Variants in DNAJC24 observed in about 807,000 individuals in gnomAD.
The protein encoded by DNAJC24 is DnaJ heat shock protein family (Hsp40) member C24.
DNAJC24 carries 17 observed loss-of-function variants against 18.0 expected under a neutral mutation model. That is an observed-to-expected ratio of 0.94 (90% CI 0.65 to 1.42). The LOEUF is 1.42. Among genes scored for constraint, DNAJC24 ranks in the 40% most tolerant of loss-of-function variants. The pLI is 0.00. For synonymous variants in DNAJC24, 55 were observed against 57.7 expected, an observed-to-expected ratio of 0.95 and a Z score of 0.21; for missense variants, 158 against 175.6, an observed-to-expected ratio of 0.90 and a Z score of 0.57.
intron 2 of DNAJC24, among the ~76,000 whole-genome samples, chr11:31,397,962 C>G (rs1431533666): frequency 6.6e-6 from 1 of 152,104 alleles, no homozygotes; most frequent in African/African-American, 2.4e-5. Context: ...GCCACCATGC[C>G]CAGCTAATTT....
chr11:31,414,028 A>G (rs1003584908), intron 2 of DNAJC24, among the ~76,000 whole-genome samples: 1 of 152,222 alleles, frequency 6.6e-6, no homozygotes, highest in African/African-American at 2.4e-5. Context: ...CTGGATAACT[A>G]TTTAGTGAGC....
chr11:31,413,326 CTTTTTTTTTTTTT>C (rs1226979464), intron 2 of DNAJC24, among the ~76,000 whole-genome samples: 1 of 126,372 alleles, frequency 7.9e-6, no homozygotes, highest in Non-Finnish European at 1.7e-5. Flanking sequence ...TAAATACTAT[CTTTTTTTTTTTTT>C]TTTTTTTTTG....
At chr11:31,379,719 G>C (rs919045619) in intron 2 of DNAJC24, among the ~76,000 whole-genome samples, 5 of 151,922 alleles carry the variant, frequency 3.3e-5, no homozygotes, top group Admixed American at 6.6e-5. Context: ...GAGTATAAAT[G>C]CTCCACAGTT....
intron 2 of DNAJC24, among the ~76,000 whole-genome samples, chr11:31,412,986 G>A (rs773642017): frequency 2.4e-4 from 36 of 152,196 alleles, no homozygotes; most frequent in Non-Finnish European, 3.7e-4. Context: ...AAGTCATTTC[G>A]CTTCATGGTA....
chr11:31,407,919 A>T (rs1901252), intron 2 of DNAJC24, among the ~76,000 whole-genome samples: 58,277 of 150,966 alleles, frequency 0.39, 11,692 homozygotes, highest in African/African-American at 0.46. Context: ...TAAAAAAAAA[A>T]AAATAAACAG....
At chr11:31,383,180 G>A (rs1015401419) in intron 2 of DNAJC24, among the ~76,000 whole-genome samples, 1 of 151,862 alleles carries the variant, frequency 6.6e-6, no homozygotes, top group African/African-American at 2.4e-5. Flanking sequence ...TTATTAGGTA[G>A]GCATACTTGA....
intron 2 of DNAJC24, among the ~76,000 whole-genome samples, chr11:31,390,529 A>G (rs1952483420): frequency 6.6e-6 from 1 of 151,836 alleles, no homozygotes; most frequent in East Asian, 1.9e-4. Flanking sequence ...ATTATAGTGA[A>G]ACCTTGTCTC....
chr11:31,421,884 TG>T, intron 3 of DNAJC24: 1 of 384,698 alleles, frequency 2.6e-6, no homozygotes, highest in South Asian at 2.1e-5. Context: ...TAAGCTTTAC[TG>T]AACCAAGCTG....
At chr11:31,389,189 A>G (rs952339379) in intron 2 of DNAJC24, among the ~76,000 whole-genome samples, 4 of 152,170 alleles carry the variant, frequency 2.6e-5, no homozygotes, top group African/African-American at 4.8e-5. Flanking sequence ...TAAATGGACT[A>G]AACTCTCCAA....
At chr11:31,423,949 G>A (rs1952835852) in intron 3 of DNAJC24, among the ~76,000 whole-genome samples, 1 of 152,112 alleles carries the variant, frequency 6.6e-6, no homozygotes, top group Non-Finnish European at 1.5e-5. Flanking sequence ...CCTCTGCATA[G>A]GGATGAAGAA....
intron 4 of DNAJC24, chr11:31,428,121 AC>A: frequency 6.6e-6 from 1 of 152,180 alleles, no homozygotes; most frequent in Middle Eastern, 3.4e-3. Flanking sequence ...ACTTTCTGAT[AC>A]AAATGAAAAT....
chr11:31,386,977 G>A (rs1019259168), intron 2 of DNAJC24, among the ~76,000 whole-genome samples: 4 of 152,202 alleles, frequency 2.6e-5, no homozygotes, highest in Admixed American at 1.3e-4. Context: ...CTGCAGGCCT[G>A]GGATGGTGGT....
chr11:31,426,102 A>T (rs915926752), intron 3 of DNAJC24, among the ~76,000 whole-genome samples, 185 bp from the exon 4 acceptor site: 2 of 152,226 alleles, frequency 1.3e-5, no homozygotes, highest in Admixed American at 1.3e-4. Flanking sequence ...GTTATGTTCT[A>T]GATTTTTCAG....
intron 4 of DNAJC24, among the ~76,000 whole-genome samples, chr11:31,429,043 C>T (rs1377545233): frequency 1.3e-5 from 2 of 151,984 alleles, no homozygotes; most frequent in Admixed American, 6.6e-5. Flanking sequence ...TCTTTTTAGA[C>T]AATTTAATAA....
chr11:31,391,792 A>G lies in DNAJC24; in HGVS notation c.111+20933A>G, dbSNP rs148988742. Among the ~76,000 whole-genome samples, 270 of 152,348 alleles carry G rather than the reference A, an allele frequency of 1.8e-3. 3 individuals carry two copies. Among genetic ancestry groups the G allele is most frequent in the East Asian group, 1.5e-3 (8 of 5,192 alleles). ...AAGGAAATTAGTATATCAAAGAGCT[A>G]TCTGCACTCCCATGTTTATGACCCC... is the stretch of plus-strand genomic sequence containing the variant. On this transcript the variant is annotated intron_variant, in intron 2 of 4. Transcript: ENST00000465995.
chr11:31,382,801 G>T (rs1026725018), intron 2 of DNAJC24, among the ~76,000 whole-genome samples: 3 of 152,124 alleles, frequency 2.0e-5, no homozygotes, highest in African/African-American at 7.2e-5. Flanking sequence ...CCTGGAGTCA[G>T]TGTCAGATCC....
intron 3 of DNAJC24, among the ~76,000 whole-genome samples, chr11:31,421,646 A>T (rs1952805205): frequency 6.6e-6 from 1 of 152,060 alleles, no homozygotes; most frequent in African/African-American, 2.4e-5. Context: ...TTTATTTTTT[A>T]AATTGTAACT....
chr11:31,385,621 A>T (rs981119109), intron 2 of DNAJC24, among the ~76,000 whole-genome samples: 6 of 152,238 alleles, frequency 3.9e-5, no homozygotes, highest in Non-Finnish European at 5.9e-5. Flanking sequence ...TTCTAAGTTA[A>T]GTAAACTAAC....
intron 2 of DNAJC24, among the ~76,000 whole-genome samples, chr11:31,414,340 T>C (rs1399294266): frequency 6.6e-6 from 1 of 152,184 alleles, no homozygotes; most frequent in Non-Finnish European, 1.5e-5. Flanking sequence ...ATTAGATATA[T>C]TTTTATTTAA....
Sources: allele counts gnomAD v4.1 joint callset (sites outside exome capture counted in the v4.1 genomes callset), GRCh38; gene constraint gnomAD v4.1.1; transcripts MANE v1.5; gene names NCBI Gene and HGNC (gene_info 2026-07-23, HGNC 2026-07-21).